Variants in RYR1 observed in about 807,000 individuals in gnomAD.
The protein encoded by RYR1 is ryanodine receptor 1.
Under a neutral mutation model 583.5 loss-of-function variants are expected in RYR1, and 342 were observed. The ratio of observed to expected loss-of-function variants is 0.59; its 90% CI spans 0.54 to 0.64. The LOEUF (loss-of-function observed/expected upper bound fraction) is 0.64. Ranked by LOEUF, RYR1 falls within the 30% of genes least tolerant of loss-of-function variation. RYR1 has a pLI of 0.00. For synonymous variants in RYR1, 2,791 were observed against 2,822.5 expected, an observed-to-expected ratio of 0.99 and a Z score of 0.35; for missense variants, 6,032 against 6,917.2, an observed-to-expected ratio of 0.87 and a Z score of 4.54.
chr19:38,522,778 C>T (rs756635463), intron 67 of RYR1, among the ~76,000 whole-genome samples: 11 of 151,636 alleles, frequency 7.3e-5, no homozygotes, highest in South Asian at 4.2e-4. Flanking sequence ...GGTGAAACCC[C>T]GTCTCTACTA....
chr19:38,479,920 A>G (rs896709972), intron 31 of RYR1, among the ~76,000 whole-genome samples: 4 of 151,670 alleles, frequency 2.6e-5, no homozygotes, highest in Non-Finnish European at 5.9e-5. Flanking sequence ...GGGTCTCACT[A>G]TGTTGCCCAG....
intron 74 of RYR1, 80 bp downstream of exon 74, chr19:38,528,498 C>A: frequency 1.3e-6 from 2 of 1,586,672 alleles, no homozygotes; most frequent in South Asian, 1.1e-5. Context: ...GGAGGGCCAA[C>A]GTGATGGGGC....
chr19:38,505,907 G>C lies in RYR1; in HGVS notation c.8502G>C (p.Thr2834=). 1 of 1,613,814 alleles carries C rather than the reference G, an allele frequency of 6.2e-7. No homozygotes were observed. Among genetic ancestry groups the C allele is most frequent in the Non-Finnish European group, 8.5e-7 (1 of 1,179,970 alleles). ...EKAREGEEEK[T]EKKKTRKISQ... is the part of the protein sequence containing the mutation. ...CCAGGGAGGGTGAGGAGGAGAAGACGGAAAAGAAAAAAACGCGGAAGATAT... is the reference window on the plus strand; with the variant it reads ...CCAGGGAGGGTGAGGAGGAGAAGACCGAAAAGAAAAAAACGCGGAAGATAT... Residue 2834 remains threonine, a synonymous_variant, in exon 54 of 106, where the codon ACG becomes ACC. Transcript: ENST00000359596.
chr19:38,476,221 T>C (rs1304519099), intron 29 of RYR1, among the ~76,000 whole-genome samples: 1 of 151,938 alleles, frequency 6.6e-6, no homozygotes, highest in Non-Finnish European at 1.5e-5. Context: ...TTTTTTGAGA[T>C]GGAGTCTCAG....
rs372590409 is a variant in RYR1 at position 38,519,670 on chromosome 19, G to GT, written c.10259+225dup. ...GTTTCTTTTTGTTTTTGGTTTTTGG[G>GT]TTTTTTTTTGTTTGTTTTTGTTTTT... On this transcript the variant is annotated intron_variant, in intron 67 of 105. Transcript: ENST00000359596. Among the ~76,000 whole-genome samples the GT allele has an allele frequency of 4.4e-3, 666 of 151,168 alleles. 4 individuals carry two copies. The highest frequency in any genetic ancestry group is 0.015 in the African/African-American group (618 of 41,176).
At chr19:38,450,325 A>G (rs907240130) in intron 11 of RYR1, among the ~76,000 whole-genome samples, 2 of 151,996 alleles carry the variant, frequency 1.3e-5, no homozygotes, top group African/African-American at 4.8e-5. Context: ...GTGGGGTGAG[A>G]GAAGGGGAGG....
chr19:38,496,396 C>T lies in RYR1; in HGVS notation c.6664-13C>T. 6.2e-7 allele frequency: 1 copy of T among 1,613,862 alleles called. No individual in the cohort carries two copies. Among genetic ancestry groups the T allele is most frequent in the South Asian group, 1.1e-5 (1 of 91,086 alleles). ...CCACAGAGGGCAGGCCCTGACCACCCTGCCTGTCCCAGGAGATCCGCTTCC... is the reference window on the plus strand; with the variant it reads ...CCACAGAGGGCAGGCCCTGACCACCTTGCCTGTCCCAGGAGATCCGCTTCC... On this transcript the variant is annotated splice_polypyrimidine_tract_variant and intron_variant, in intron 40 of 105. Transcript: ENST00000359596. The surrounding 1 kb of genome is among the most constrained non-coding windows in gnomAD (Gnocchi z 4.8).
Position 38,490,128 on chromosome 19 carries a change from A to T in RYR1, c.5867A>T (p.Glu1956Val), listed in dbSNP as rs763196920. The T allele has an allele frequency of 6.2e-7, 1 of 1,614,212 alleles. No individual in the cohort carries two copies. Among genetic ancestry groups the T allele is most frequent in the Non-Finnish European group, 8.5e-7 (1 of 1,180,042 alleles). Residue 1956 changes from glutamate to valine, a missense_variant, in exon 36 of 106, where the codon GAG (glutamate) becomes GTG (valine). Transcript: ENST00000359596. The stretch of plus-strand genomic sequence containing the variant: ...GACCAAGAGCTGCAGCACCGTGTGG[A>T]GTCCCTGGCAGCCTTTGCGGAGCGC... ...FCDQELQHRVESLAAFAERYV... is the reference protein window; with the variant it reads ...FCDQELQHRVVSLAAFAERYV...
chr19:38,561,600 C>T lies in RYR1; in HGVS notation c.12624+146C>T, dbSNP rs980507093. The stretch of plus-strand genomic sequence containing the variant: ...GCAAGCCCACGCCCACCCTTTTGTA[C>T]ACATTTCGTCCAGCTGCGCCCTTGC... On this transcript the variant is annotated intron_variant, in intron 90 of 105. Coordinates refer to ENST00000359596, the MANE Select transcript of RYR1 (RefSeq NM_000540.3). The surrounding 1 kb of genome is among the most constrained non-coding windows in gnomAD (Gnocchi z 4.8). 6.2e-6 allele frequency: 5 copies of T among 811,866 alleles called. No homozygotes were observed. The highest frequency in any genetic ancestry group is 9.6e-6 in the Non-Finnish European group (5 of 522,158). The allele number at this position is 811,866 out of a possible 1,614,324, so 50.3% of individuals were successfully genotyped here. A position where few individuals can be genotyped will look rare whatever the true frequency, so the allele number is the denominator to read the frequency against.
chr19:38,532,447 C>G (rs1217358873), intron 76 of RYR1, 43 bp from the exon 77 acceptor site: 2 of 1,605,908 alleles, frequency 1.2e-6, no homozygotes, highest in Non-Finnish European at 1.7e-6. Context: ...AGATGGGGGT[C>G]CTCTCCACCG....
chr19:38,489,266 C>G lies in RYR1; in HGVS notation c.5637C>G (p.Asp1879Glu). 5.0e-6 allele frequency: 8 copies of G among 1,607,720 alleles called. No individual in the cohort carries two copies. Among genetic ancestry groups the G allele is most frequent in the Non-Finnish European group, 6.8e-6 (8 of 1,175,820 alleles). The change falls in exon 35 of 106, where the codon GAC becomes GAG. Residue 1879 changes from aspartate to glutamate, a missense_variant. Physicochemically the swap from Asp to Glu is conservative, Grantham distance 45 (BLOSUM62 2). Transcript: ENST00000359596. ...TCACTGAGGAAGAAGAGGAGGAGGACGAGGAGGAAGAGGGTGAAGAGGAAG... is the reference window on the plus strand; with the variant it reads ...TCACTGAGGAAGAAGAGGAGGAGGAGGAGGAGGAAGAGGGTGAAGAGGAAG... ...EVFTEEEEEE[D>E]EEEEGEEEDE...
intron 87 of RYR1, among the ~76,000 whole-genome samples, chr19:38,546,229 A>C (rs1435791441): frequency 6.6e-6 from 1 of 151,546 alleles, no homozygotes; most frequent in Non-Finnish European, 1.5e-5. Context: ...CCCATCACCT[A>C]TCGAGCCCGT....
In RYR1 at chr19:38,469,118, C is replaced by G. The variant is rs1968279335; in HGVS notation, c.3534C>G (p.Phe1178Leu). ...CTGACTCAGGCTCCGAAACAGCCTT[C>G]CGGGAGATTGAGATTGGGGACGGTG... ...LMSDSGSETA[F>L]REIEIGDGFL... is the part of the protein sequence containing the mutation. Residue 1178 changes from phenylalanine (F) to leucine (L), a missense_variant, in exon 26 of 106, where the codon TTC (phenylalanine) becomes TTG (leucine). Phe to Leu is a conservative substitution (Grantham distance 22). Transcript: ENST00000359596. 1.2e-6 allele frequency: 2 copies of G among 1,614,080 alleles called. No homozygotes were observed. The highest frequency in any genetic ancestry group is 2.7e-5 in the African/African-American group (2 of 74,932).
intron 20 of RYR1, among the ~76,000 whole-genome samples, chr19:38,462,358 C>T (rs1967798247): frequency 6.6e-6 from 1 of 152,172 alleles, no homozygotes; most frequent in Admixed American, 6.5e-5. Context: ...TTATTAGTAG[C>T]AGTGATATCA....
intron 93 of RYR1, among the ~76,000 whole-genome samples, chr19:38,569,159 C>T (rs185425010): frequency 5.3e-5 from 8 of 152,170 alleles, no homozygotes; most frequent in South Asian, 4.1e-4. Context: ...TACAGGCGCC[C>T]GCCGCCACGC....
At chr19:38,495,767 A>T (rs932975396) in intron 39 of RYR1, among the ~76,000 whole-genome samples, 6 of 147,818 alleles carry the variant, frequency 4.1e-5, no homozygotes, top group Non-Finnish European at 9.0e-5. Context: ...GGCTGTAGGA[A>T]TTTTTTTTTT....
rs1972003138 is a variant in RYR1, at chr19:38,537,059, T to C, written c.11608+292T>C. The C allele has an allele frequency of 1.7e-5, 9 of 545,250 alleles. No individual in the cohort carries two copies. The South Asian group carries it at 2.1e-4, about 12-fold the overall frequency. 33.8% of individuals were successfully genotyped at this position (545,250 alleles called of 1,614,324 possible). A position where few individuals can be genotyped will look rare whatever the true frequency, so the allele number is the denominator to read the frequency against. ...CTAGAGAACATGGTAAAGATCTCTT[T>C]CCAGCTGGATATTGTCGGACTTCCA... On this transcript the variant is annotated intron_variant, in intron 83 of 105. Transcript: ENST00000359596.
In RYR1 at chr19:38,444,620, G is replaced by T. The variant is rs568522756; in HGVS notation, c.574G>T (p.Ala192Ser). Residue 192 changes from alanine (A) to serine (S), a missense_variant, in exon 7 of 106, where the codon GCT becomes TCT. By Grantham distance (99) the Ala-to-Ser change is moderately conservative (BLOSUM62 1). Around this residue, in one of 11 missense-constraint regions of RYR1, gnomAD observed 338 missense variants for 441.6 expected, o/e 0.77. Coordinates refer to ENST00000359596, the MANE Select transcript of RYR1 (RefSeq NM_000540.3). The surrounding 1 kb of genome is among the most constrained non-coding windows in gnomAD (Gnocchi z 5.1). ...STASGELQVD[A>S]SFMQTLWNMN... ...CGCCAGTGGGGAGCTCCAGGTTGAC[G>T]CTTCCTTCATGCAGACACTATGGAA... 2 of 1,613,992 alleles carry T rather than the reference G, an allele frequency of 1.2e-6. No individual in the cohort carries two copies. The highest frequency in any genetic ancestry group is 2.2e-5 in the East Asian group (1 of 44,870).
In RYR1 at chr19:38,453,000, C is replaced by G; in HGVS notation, c.1426C>G (p.Leu476Val). 2 of 1,613,798 alleles carry G rather than the reference C, an allele frequency of 1.2e-6. No homozygotes were observed. The highest frequency in any genetic ancestry group is 1.1e-5 in the South Asian group (1 of 91,068). The part of the protein sequence containing the change: ...KLRSLRNRQS[L>V]FQEEGMLSMV... ...GCGAAGCCTGCGCAACCGCCAGAGC[C>G]TCTTCCAGGAGGAGGTGAGGACGTG... The change falls in exon 13 of 106, where the codon CTC (leucine) becomes GTC (valine). Residue 476 changes from leucine to valine, a missense_variant. By Grantham distance (32) the Leu-to-Val change is conservative. This residue lies in a region of RYR1 where 2,627 missense variants were observed against 2,961.3 expected (regional missense o/e 0.89). Coordinates refer to ENST00000359596, the MANE Select transcript of RYR1 (RefSeq NM_000540.3).
Sources: gnomAD v4.1 joint callset for allele counts (sites outside exome capture counted in the v4.1 genomes callset) on GRCh38, gnomAD v4.1.1 for gene constraint, gnomAD v4.1.1 regional missense constraint, Gnocchi (gnomAD v3.1) non-coding constraint, MANE v1.5 for transcripts, NCBI Gene and HGNC (gene_info 2026-07-23, HGNC 2026-07-21) for gene names.